ADAM8: variants seen among roughly 807,000 people sequenced by gnomAD.
ADAM8 encodes the protein disintegrin and metalloproteinase domain-containing protein 8.
Under a neutral mutation model 102.4 loss-of-function variants are expected in ADAM8, and 104 were observed. The ratio of observed to expected loss-of-function variants is 1.02; its 90% CI spans 0.87 to 1.20. The LOEUF is 1.20. Ranked by LOEUF, ADAM8 falls within the 50% of genes most tolerant of loss-of-function variation. ADAM8 has a pLI of 0.00. For synonymous variants in ADAM8, 517 were observed against 485.2 expected (o/e 1.07, Z -0.86); for missense variants, 1,132 against 1,159.0 (o/e 0.98, Z 0.34).
At chr10:133,273,712 G>T in intron 5 of ADAM8, 50 bp downstream of exon 5, 25 of 1,436,750 alleles carry the variant, frequency 1.7e-5, no homozygotes, top group Non-Finnish European at 2.2e-5. Flanking sequence ...CACAGGCTTA[G>T]GCCTTCCTCT....
Position 133,273,970 on chromosome 10 carries a change from G to A in ADAM8, c.287C>T (p.Thr96Met), listed in dbSNP as rs375135486. 2.3e-4 allele frequency: 369 copies of A among 1,604,316 alleles called. No individual in the cohort carries two copies. The highest frequency in any genetic ancestry group is 3.3e-4 in the Middle Eastern group (2 of 6,052). The change falls in exon 4 of 23, where the codon ACG becomes ATG. Residue 96 changes from threonine (T) to methionine (M), a missense_variant. Physicochemically the swap from Thr to Met is moderately conservative, Grantham distance 81. Transcript: ENST00000445355. ...CCATACCTGCCCGCGAGGCTGCTCC[G>A]TCACCTCGGAGCCATTGGCAGCCGT... The part of the protein sequence containing the change: ...TYTAANGSEV[T>M]EQPRGQDHCF...
In ADAM8 at chr10:133,274,042, T is replaced by C. The variant is rs746200979; in HGVS notation, c.228-13A>G. On this transcript the variant is annotated splice_polypyrimidine_tract_variant and intron_variant, in intron 3 of 22. Transcript: ENST00000445355. ...GCCCAGCAGGTCCCTGGAAAAGAAGTGCTGTGACTGCCTCGGCCCCCTCGG... is the reference window on the plus strand; with the variant it reads ...GCCCAGCAGGTCCCTGGAAAAGAAGCGCTGTGACTGCCTCGGCCCCCTCGG... 2 of 1,602,104 alleles carry C rather than the reference T, an allele frequency of 1.2e-6. No homozygotes were observed. The highest frequency in any genetic ancestry group is 1.7e-6 in the Non-Finnish European group (2 of 1,176,024).
chr10:133,273,524 T>C, intron 5 of ADAM8, 81 bp from the exon 6 acceptor site: 1 of 1,431,776 alleles, frequency 7.0e-7, no homozygotes, highest in South Asian at 1.4e-5. Flanking sequence ...CTCCAGTTTG[T>C]TGCCTACAGC....
chr10:133,268,881 C>T lies in ADAM8; in HGVS notation c.1949-19G>A. 1.2e-6 allele frequency: 2 copies of T among 1,600,534 alleles called. No individual in the cohort carries two copies. Among genetic ancestry groups the T allele is most frequent in the Admixed American group, 1.7e-5 (1 of 59,584 alleles). ...CCGGACGCTGTGGGACACACGGCCC[C>T]ACATCAGGCAGGCAGGCCGCGACCT... On this transcript the variant is annotated intron_variant, in intron 18 of 22. Coordinates refer to ENST00000445355, the MANE Select transcript of ADAM8 (RefSeq NM_001109.5).
At chr10:133,271,377 G>A (rs1177438966) in intron 12 of ADAM8, 88 bp from the exon 13 acceptor site, 1 of 1,503,724 alleles carries the variant, frequency 6.7e-7, no homozygotes, top group South Asian at 1.2e-5. Context: ...GACCACTGGG[G>A]TGCCCTGCAG....
chr10:133,272,740 A>ACC lies in ADAM8; in HGVS notation c.705+56_705+57dup, dbSNP rs3841003. 1.9e-3 allele frequency: 2,464 copies of ACC among 1,293,650 alleles called. 6 individuals carry two copies. Among genetic ancestry groups the ACC allele is most frequent in the African/African-American group, 0.013 (901 of 67,712 alleles). 80.1% of individuals were successfully genotyped at this position (1,293,650 alleles called of 1,614,324 possible). On this transcript the variant is annotated intron_variant, in intron 8 of 22. Coordinates refer to ENST00000445355, the MANE Select transcript of ADAM8 (RefSeq NM_001109.5). The stretch of plus-strand genomic sequence containing the variant: ...CAGGTGGAATGAACCCTGTGGCAAC[A>ACC]CCCCCCCCACCTCCCGCCAGGGGCT...
At chr10:133,268,369 C>A (rs547904986) in intron 19 of ADAM8, among the ~76,000 whole-genome samples, 2 of 152,144 alleles carry the variant, frequency 1.3e-5, no homozygotes, top group Non-Finnish European at 2.9e-5. Flanking sequence ...TGTCCTGCTG[C>A]GTGGGGGTCT....
Position 133,271,010 on chromosome 10 carries a change from A to C in ADAM8, c.1435T>G (p.Cys479Gly), listed in dbSNP as rs764921978. The C allele has an allele frequency of 5.6e-6, 9 of 1,612,842 alleles. No individual in the cohort carries two copies. Among genetic ancestry groups the C allele is most frequent in the Non-Finnish European group, 7.6e-6 (9 of 1,179,958 alleles). ...GGGCACTCAGGGTGCCGGCCGTCACAGAACTCCTCGAGGTCACACATGTCC... is the reference window on the plus strand; with the variant it reads ...GGGCACTCAGGGTGCCGGCCGTCACCGAACTCCTCGAGGTCACACATGTCC... ...KKDMCDLEEF[C>G]DGRHPECPED... The change falls in exon 14 of 23, where the codon TGT becomes GGT. Residue 479 changes from cysteine (C) to glycine (G), a missense_variant. Transcript: ENST00000445355.
At chr10:133,266,186 G>A (rs930917872) in intron 21 of ADAM8, among the ~76,000 whole-genome samples, 2 of 152,064 alleles carry the variant, frequency 1.3e-5, no homozygotes, top group African/African-American at 4.8e-5. Flanking sequence ...CAAAGGGCAA[G>A]CTGAGGAAAG....
chr10:133,273,950 C>T lies in ADAM8; in HGVS notation c.306+1G>A. The stretch of plus-strand genomic sequence containing the variant: ...GCCCAGCTGCTCCGCCCGACCCATA[C>T]CTGCCCGCGAGGCTGCTCCGTCACC... On this transcript the variant is annotated splice_donor_variant, in intron 4 of 22. Transcript: ENST00000445355. LOFTEE classifies it high-confidence loss of function. 1 of 1,597,860 alleles carries T rather than the reference C, an allele frequency of 6.3e-7. No homozygotes were observed.
At position 133,271,673 on chromosome 10, in the gene ADAM8, C is replaced by T; in HGVS notation, c.1139G>A (p.Ser380Asn). The part of the protein sequence containing the change: ...SSFPRMFSDC[S>N]QAYLESFLER... ...CAAAAAGCTCTCCAGGTAGGCCTGG[C>T]TGCAGTCACTGAACATCCTGGGGAA... is the stretch of plus-strand genomic sequence containing the variant. Residue 380 changes from serine to asparagine, a missense_variant, in exon 12 of 23, where the codon AGC (serine) becomes AAC (asparagine). By Grantham distance (46) the Ser-to-Asn change is conservative. Transcript: ENST00000445355. The T allele has an allele frequency of 6.4e-7, 1 of 1,569,420 alleles. No homozygotes were observed.
rs555479023 is a variant in ADAM8 at position 133,271,700 on chromosome 10, C to G, written c.1112G>C (p.Ser371Thr). ...RCIMAGSIGS[S>T]FPRMFSDCSQ... ...GCAGTCACTGAACATCCTGGGGAAA[C>G]TGGAGCTGGGGAGGCGGGGCAGCAT... is the stretch of plus-strand genomic sequence containing the variant. The change falls in exon 12 of 23, where the codon AGT (serine) becomes ACT (threonine). Residue 371 changes from serine to threonine, a missense_variant. By Grantham distance (58) the Ser-to-Thr change is moderately conservative. Coordinates refer to ENST00000445355, the MANE Select transcript of ADAM8 (RefSeq NM_001109.5). The G allele has an allele frequency of 1.3e-6, 2 of 1,583,984 alleles. No individual in the cohort carries two copies. Among genetic ancestry groups the G allele is most frequent in the Non-Finnish European group, 1.7e-6 (2 of 1,164,636 alleles).
chr10:133,268,783 G>A lies in ADAM8; in HGVS notation c.2028C>T (p.Ile676=), dbSNP rs745517238. The change falls in exon 19 of 23, where the codon ATC becomes ATT. Residue 676 remains isoleucine (I), a synonymous_variant. Coordinates refer to ENST00000445355, the MANE Select transcript of ADAM8 (RefSeq NM_001109.5). ...TGCGGCTCCGGGCTTTGCGGTAGAC[G>A]ATGATGCCTGCCAGGGTGACCAGCA... ...AVVLVTLAGI[I]VYRKARSRIL... is the part of the protein sequence containing the mutation. 1.7e-5 allele frequency: 28 copies of A among 1,610,732 alleles called. No individual in the cohort carries two copies. Among genetic ancestry groups the A allele is most frequent in the South Asian group, 1.2e-4 (11 of 91,070 alleles).
chr10:133,265,808 A>G (rs1036581455), intron 21 of ADAM8, among the ~76,000 whole-genome samples: 3 of 152,222 alleles, frequency 2.0e-5, no homozygotes, highest in Admixed American at 6.5e-5. Flanking sequence ...AAAAAAAAAA[A>G]AGAGAGAAAA....
intron 18 of ADAM8, 185 bp downstream of exon 18, chr10:133,269,260 T>C: frequency 6.7e-6 from 6 of 901,804 alleles, no homozygotes; most frequent in Non-Finnish European, 8.0e-6. Flanking sequence ...GGGACAGGGC[T>C]CTCCCCTCCT....
intron 20 of ADAM8, 88 bp from the exon 21 acceptor site, chr10:133,267,505 C>T (rs1846362290): frequency 7.4e-7 from 1 of 1,345,364 alleles, no homozygotes; most frequent in African/African-American, 1.4e-5. Context: ...GAGGTTCCTG[C>T]CTCTTGTGTG....
At chr10:133,275,022 GCA>G (rs1846696449) in intron 2 of ADAM8, 1 of 308,020 alleles carries the variant, frequency 3.2e-6, no homozygotes, top group African/African-American at 2.3e-5. Flanking sequence ...CATATGCCGT[GCA>G]CATGTGTGCA....
intron 6 of ADAM8, 57 bp downstream of exon 6, chr10:133,273,197 G>T: frequency 6.3e-7 from 1 of 1,586,740 alleles, no homozygotes; most frequent in Non-Finnish European, 8.6e-7. Context: ...AGGACTCACA[G>T]GCCAGGCAAG....
In ADAM8 at chr10:133,276,812, G is replaced by GC; in HGVS notation, c.5dup (p.Gly3ArgfsTer28). The GC allele has an allele frequency of 1.3e-6, 2 of 1,528,258 alleles. No individual in the cohort carries two copies. Among genetic ancestry groups the GC allele is most frequent in the Non-Finnish European group, 1.8e-6 (2 of 1,140,678 alleles). The allele number at this position is 1,528,258 out of a possible 1,614,324, so 94.7% of individuals were successfully genotyped here. ...CGCCCAGCAGCCAGAGCCCGAGGCC[G>GC]CGCATGGCCGGGTCGGGGAGCAGAG... On this transcript the variant is annotated frameshift_variant, in exon 1 of 23. Coordinates refer to ENST00000445355, the MANE Select transcript of ADAM8 (RefSeq NM_001109.5). LOFTEE classifies it high-confidence loss of function.
Sources: gnomAD v4.1 joint callset for allele counts (sites outside exome capture counted in the v4.1 genomes callset) on GRCh38, gnomAD v4.1.1 for gene constraint, MANE v1.5 for transcripts, NCBI Gene and HGNC (gene_info 2026-07-23, HGNC 2026-07-21) for gene names.